The following AGBL4 variants were observed in gnomAD, a reference collection of about 807,000 sequenced individuals.
AGBL4 encodes the protein cytosolic carboxypeptidase 6.
A neutral mutation model predicts 66.4 loss-of-function variants in AGBL4; 58 were observed. That is an observed-to-expected ratio of 0.87 (90% CI 0.71 to 1.09). The LOEUF (loss-of-function observed/expected upper bound fraction) is 1.09, where lower values mean the gene tolerates loss of function less well. Ranked by LOEUF, AGBL4 falls within the 50% of genes least tolerant of loss-of-function variation. The probability of loss-of-function intolerance (pLI) is 0.00; values close to 1 mark genes in which losing one functional copy is unlikely to be tolerated. For missense variants in AGBL4, 579 were observed against 631.0 expected (o/e 0.92, Z 0.88); for synonymous variants, 234 against 222.9 (o/e 1.05, Z -0.44).
At chr1:49,863,956 A>G (rs569495379) in intron 1 of AGBL4, among the ~76,000 whole-genome samples, 2 of 152,226 alleles carry the variant, frequency 1.3e-5, no homozygotes, top group Non-Finnish European at 2.9e-5. Flanking sequence ...AGAAATCAGT[A>G]TATCAAAGAG....
intron 1 of AGBL4, among the ~76,000 whole-genome samples, chr1:49,992,624 C>T (rs543474859): frequency 6.6e-6 from 1 of 152,096 alleles, no homozygotes; most frequent in East Asian, 1.9e-4. Flanking sequence ...CTTCTGCCTA[C>T]CTTTCAATAC....
At chr1:48,628,334 T>C (rs1645538033) in intron 9 of AGBL4, among the ~76,000 whole-genome samples, 1 of 152,196 alleles carries the variant, frequency 6.6e-6, no homozygotes, top group Non-Finnish European at 1.5e-5. Context: ...TCTCTTTCCC[T>C]TGCTCCAGCG....
chr1:49,484,865 AAT>A (rs1000516699), intron 3 of AGBL4, among the ~76,000 whole-genome samples: 1 of 151,892 alleles, frequency 6.6e-6, no homozygotes, highest in Admixed American at 6.6e-5. Flanking sequence ...TTAATTCATA[AAT>A]ATATATATAC....
intron 4 of AGBL4, among the ~76,000 whole-genome samples, chr1:49,104,214 A>G (rs966039708): frequency 8.5e-5 from 13 of 152,218 alleles, no homozygotes; most frequent in African/African-American, 3.1e-4. Flanking sequence ...TCCTCATGAT[A>G]GAATTTAATG....
At chr1:49,784,643 G>A (rs560320290) in intron 2 of AGBL4, among the ~76,000 whole-genome samples, 4 of 151,942 alleles carry the variant, frequency 2.6e-5, no homozygotes, top group South Asian at 2.1e-4. Flanking sequence ...ATTTAAAAAC[G>A]ATAAATTTGA....
chr1:49,027,101 A>T (rs1186116443), intron 5 of AGBL4, among the ~76,000 whole-genome samples: 1 of 152,160 alleles, frequency 6.6e-6, no homozygotes, highest in Non-Finnish European at 1.5e-5. Flanking sequence ...TAACTTTCAG[A>T]ATGGTGGTAG....
chr1:48,766,804 G>A (rs1030096172), intron 6 of AGBL4, among the ~76,000 whole-genome samples: 4 of 152,102 alleles, frequency 2.6e-5, no homozygotes, highest in African/African-American at 7.2e-5. Context: ...AGTGAGGGTC[G>A]GGAAGTCCCA....
At chr1:49,455,556 A>G (rs1338779399) in intron 3 of AGBL4, among the ~76,000 whole-genome samples, 1 of 151,624 alleles carries the variant, frequency 6.6e-6, no homozygotes, top group Non-Finnish European at 1.5e-5. Flanking sequence ...CTTCTCCTCT[A>G]GTCCAGGTTA....
Position 49,396,928 on chromosome 1 carries a change from G to C in AGBL4, c.283-151064C>G, listed in dbSNP as rs139711474. Among the ~76,000 whole-genome samples the C allele has an allele frequency of 7.2e-5, 11 of 152,268 alleles. No individual in the cohort carries two copies. The East Asian group carries it at 1.9e-3, about 27-fold the overall frequency. ...TGGCATAAGGACCAGTTTCGTGGGAGACAATTTTTCCGCAGACAGTGGGGT... is the reference window on the plus strand; with the variant it reads ...TGGCATAAGGACCAGTTTCGTGGGACACAATTTTTCCGCAGACAGTGGGGT... On this transcript the variant is annotated intron_variant, in intron 3 of 13. Transcript: ENST00000371839.
At chr1:48,734,773 C>T (rs1648751810) in intron 6 of AGBL4, among the ~76,000 whole-genome samples, 1 of 152,244 alleles carries the variant, frequency 6.6e-6, no homozygotes, top group South Asian at 2.1e-4. Flanking sequence ...CCCTCTCTGT[C>T]CTACCACATC....
intron 11 of AGBL4, among the ~76,000 whole-genome samples, chr1:48,543,201 C>T (rs1474308575): frequency 6.6e-6 from 1 of 152,052 alleles, no homozygotes; most frequent in Non-Finnish European, 1.5e-5. Context: ...AGACTCACAC[C>T]CCTGACTCAG....
At chr1:49,462,287 C>T (rs755629582) in intron 3 of AGBL4, among the ~76,000 whole-genome samples, 11 of 151,618 alleles carry the variant, frequency 7.3e-5, no homozygotes, top group Non-Finnish European at 1.2e-4. Context: ...TTGAACTAAA[C>T]GTAAGTATAG....
At chr1:50,020,295 C>T (rs1662348985) in intron 1 of AGBL4, among the ~76,000 whole-genome samples, 1 of 151,908 alleles carries the variant, frequency 6.6e-6, no homozygotes. Flanking sequence ...ATATGCAATA[C>T]ATTTGAAATT....
chr1:49,460,419 T>G (rs1249487781), intron 3 of AGBL4, among the ~76,000 whole-genome samples: 1 of 151,750 alleles, frequency 6.6e-6, no homozygotes, highest in African/African-American at 2.4e-5. Flanking sequence ...CCTGTTCACA[T>G]TTGGTATCCA....
intron 3 of AGBL4, among the ~76,000 whole-genome samples, chr1:49,418,351 G>T (rs1645473355): frequency 6.6e-6 from 1 of 152,168 alleles, no homozygotes; most frequent in East Asian, 1.9e-4. Flanking sequence ...CAACAACTCT[G>T]TGAAATAGAT....
chr1:49,272,436 TTA>T (rs1644081029), intron 3 of AGBL4, among the ~76,000 whole-genome samples: 1 of 152,196 alleles, frequency 6.6e-6, no homozygotes, highest in Non-Finnish European at 1.5e-5. Flanking sequence ...CTAAATAAAA[TTA>T]GTCTTCTTAT....
chr1:48,965,988 T>G (rs563351838), intron 5 of AGBL4, among the ~76,000 whole-genome samples: 1 of 152,268 alleles, frequency 6.6e-6, no homozygotes, highest in South Asian at 2.1e-4. Context: ...TGAGGTAGAA[T>G]TCTCACTTCA....
At chr1:50,000,265 G>A (rs1057440107) in intron 1 of AGBL4, among the ~76,000 whole-genome samples, 3 of 152,114 alleles carry the variant, frequency 2.0e-5, no homozygotes, top group South Asian at 4.1e-4. Flanking sequence ...CTAAGGACAT[G>A]AACAGACAAT....
At chr1:49,648,396 TAC>T (rs1418797850) in intron 3 of AGBL4, among the ~76,000 whole-genome samples, 1 of 147,280 alleles carries the variant, frequency 6.8e-6, no homozygotes, top group Non-Finnish European at 1.5e-5. Flanking sequence ...ATGTGCAACA[TAC>T]ACATAAAGGG....
Sources: gnomAD v4.1 joint callset for allele counts (sites outside exome capture counted in the v4.1 genomes callset) on GRCh38, gnomAD v4.1.1 for gene constraint, MANE v1.5 for transcripts, NCBI Gene and HGNC (gene_info 2026-07-23, HGNC 2026-07-21) for gene names.